LANCL3: variants seen among roughly 807,000 people sequenced by gnomAD.
The protein encoded by LANCL3 is lanC-like protein 3.
LANCL3 carries 19 observed loss-of-function variants against 26.5 expected under a neutral mutation model. The ratio of observed to expected loss-of-function variants is 0.72; its 90% CI spans 0.50 to 1.05. The LOEUF is 1.05. LANCL3 is among the 50% of genes least tolerant of loss of function. The pLI is 0.00. For synonymous variants in LANCL3, 160 were observed against 166.6 expected (o/e 0.96, Z 0.30); for missense variants, 318 against 362.7 (o/e 0.88, Z 1.00).
In LANCL3 at chrX:37,683,951, T is replaced by A. The variant is rs1926996858; in HGVS notation, c.*8138T>A. ...AGGTGTCTGACAGGGAAATTAGCAA[T>A]CATAAGCTATAAGATATATATTATT... On this transcript the variant is annotated 3_prime_UTR_variant, in exon 5 of 5. Coordinates refer to ENST00000378619, the MANE Select transcript of LANCL3 (RefSeq NM_001170331.2). 8.9e-6 allele frequency: 1 copy of A among 112,020 alleles called. No homozygotes were observed. The highest frequency in any genetic ancestry group is 3.2e-5 in the African/African-American group (1 of 30,862). 9.2% of individuals were successfully genotyped at this position (112,020 alleles called of 1,213,427 possible).
At chrX:37,621,313 A>G (rs1157387025) in intron 1 of LANCL3, among the ~76,000 whole-genome samples, 2 of 112,176 alleles carry the variant, frequency 1.8e-5, no homozygotes, top group African/African-American at 6.5e-5. Context: ...GCACTGGCAG[A>G]ACACATAGAT....
chrX:37,671,842 T>C (rs1039622522), intron 4 of LANCL3, among the ~76,000 whole-genome samples: 7 of 112,198 alleles, frequency 6.2e-5, no homozygotes, highest in South Asian at 3.7e-4. Flanking sequence ...AATACTAACT[T>C]ATGTAAGTCT....
intron 1 of LANCL3, among the ~76,000 whole-genome samples, chrX:37,652,120 A>G (rs2146776962): frequency 9.1e-6 from 1 of 109,916 alleles, no homozygotes; most frequent in East Asian, 2.9e-4. Context: ...CCCAAGACTT[A>G]GTTGCTATTC....
intron 4 of LANCL3, among the ~76,000 whole-genome samples, chrX:37,670,097 T>C (rs1206459054): frequency 8.9e-6 from 1 of 112,379 alleles, no homozygotes; most frequent in Non-Finnish European, 1.9e-5. Flanking sequence ...AAATATCCAA[T>C]ACATACATTT....
intron 1 of LANCL3, among the ~76,000 whole-genome samples, chrX:37,582,506 T>A (rs1468450438): frequency 8.9e-6 from 1 of 112,123 alleles, no homozygotes; most frequent in Non-Finnish European, 1.9e-5. Flanking sequence ...CTCATCATAG[T>A]TTTGATTTGC....
chrX:37,660,535 A>C, intron 3 of LANCL3, among the ~76,000 whole-genome samples: 1 of 111,844 alleles, frequency 8.9e-6, no homozygotes, highest in African/African-American at 3.3e-5. Flanking sequence ...AATTTGAAAA[A>C]AAGTTAAATT....
At chrX:37,642,212 T>C (rs1925881843) in intron 1 of LANCL3, among the ~76,000 whole-genome samples, 1 of 112,224 alleles carries the variant, frequency 8.9e-6, no homozygotes, top group Non-Finnish European at 1.9e-5. Context: ...AGTTAGAGAT[T>C]TCTGTGGCAA....
intron 1 of LANCL3, among the ~76,000 whole-genome samples, chrX:37,637,482 A>G: frequency 9.0e-6 from 1 of 111,470 alleles, no homozygotes; most frequent in East Asian, 2.8e-4. Context: ...TTTCCTGATA[A>G]AAGAGAATAC....
intron 1 of LANCL3, among the ~76,000 whole-genome samples, chrX:37,581,252 T>C (rs1923884245): frequency 8.9e-6 from 1 of 112,396 alleles, no homozygotes; most frequent in African/African-American, 3.2e-5. Context: ...CTTCCACAGG[T>C]GCAAGAATAC....
At chrX:37,577,890 C>T (rs1923794129) in intron 1 of LANCL3, among the ~76,000 whole-genome samples, 1 of 111,720 alleles carries the variant, frequency 9.0e-6, no homozygotes, top group Non-Finnish European at 1.9e-5. Flanking sequence ...GTATAAGGGG[C>T]AATGCTTTTA....
Position 37,590,503 on chromosome X carries a change from TC to T in LANCL3, c.573+18061del, listed in dbSNP as rs1237642043. ...GCTGTGTGATATAAAGCTATGTGAC[TC>T]ACTGTCAGTTTTACAAACTTAAATC... On this transcript the variant is annotated intron_variant, in intron 1 of 4. Coordinates refer to ENST00000378619, the MANE Select transcript of LANCL3 (RefSeq NM_001170331.2). Among the ~76,000 whole-genome samples, 9 of 112,831 alleles carry T rather than the reference TC, an allele frequency of 8.0e-5. No individual in the cohort carries two copies. The East Asian group carries it at 2.5e-3, about 31-fold the overall frequency.
chrX:37,630,757 T>A (rs1359457650), intron 1 of LANCL3, among the ~76,000 whole-genome samples: 1 of 110,458 alleles, frequency 9.1e-6, no homozygotes, highest in African/African-American at 3.3e-5. Context: ...TTACATTTAT[T>A]GATTTGCGTA....
rs1926874719 is a variant in LANCL3, at chrX:37,679,036, C to G, written c.*3223C>G. The G allele has an allele frequency of 9.0e-6, 1 of 111,520 alleles. No homozygotes were observed. Among genetic ancestry groups the G allele is most frequent in the Non-Finnish European group, 1.9e-5 (1 of 53,050 alleles). 9.2% of individuals were successfully genotyped at this position (111,520 alleles called of 1,213,427 possible). ...GGAAAACCATTAGTGGTGCAAAGAG[C>G]CCTGTGCTGGAAATCTCAAAGTCTT... On this transcript the variant is annotated 3_prime_UTR_variant, in exon 5 of 5. Transcript: ENST00000378619.
chrX:37,664,144 A>G (rs1276083390), intron 3 of LANCL3, among the ~76,000 whole-genome samples: 2 of 111,722 alleles, frequency 1.8e-5, no homozygotes, highest in Non-Finnish European at 3.8e-5. Flanking sequence ...CTTGCTGGCA[A>G]GGTAAAGCTG....
chrX:37,647,379 AT>A (rs1182688471), intron 1 of LANCL3, among the ~76,000 whole-genome samples: 1 of 111,607 alleles, frequency 9.0e-6, no homozygotes, highest in Admixed American at 9.5e-5. Flanking sequence ...TTTTTTCTTT[AT>A]TGTTCATGCG....
rs1923627519 is a variant in LANCL3, at chrX:37,572,461, C to A, written c.573+18C>A. 3 of 1,156,371 alleles carry A rather than the reference C, an allele frequency of 2.6e-6. No homozygotes were observed. The highest frequency in any genetic ancestry group is 1.9e-5 in the South Asian group (1 of 52,425). On this transcript the variant is annotated intron_variant, in intron 1 of 4. Transcript: ENST00000378619. Reference sequence around the variant, plus strand: ...CCCAGGAGGTAAGAGGTAGCCCGGGCCGCGGGAGGGCGCTCGCCGCCTGCC... The same window carrying A: ...CCCAGGAGGTAAGAGGTAGCCCGGGACGCGGGAGGGCGCTCGCCGCCTGCC...
intron 1 of LANCL3, among the ~76,000 whole-genome samples, chrX:37,621,697 G>A (rs1556422277): frequency 1.8e-5 from 2 of 111,872 alleles, no homozygotes; most frequent in East Asian, 2.8e-4. Context: ...CCAAATATTC[G>A]GTCTTTCTGA....
At chrX:37,660,502 T>C (rs1468322378) in intron 3 of LANCL3, among the ~76,000 whole-genome samples, 12 of 111,614 alleles carry the variant, frequency 1.1e-4, no homozygotes, top group African/African-American at 3.3e-4. Context: ...ATCACACTGC[T>C]ATTAAGCCTT....
chrX:37,584,452 C>CT lies in LANCL3; in HGVS notation c.573+12017dup, dbSNP rs782742653. Among the ~76,000 whole-genome samples, 7 of 109,753 alleles carry CT rather than the reference C, an allele frequency of 6.4e-5. 1 individual carries two copies. The South Asian group carries it at 1.6e-3, about 25-fold the overall frequency. On this transcript the variant is annotated intron_variant, in intron 1 of 4. Coordinates refer to ENST00000378619, the MANE Select transcript of LANCL3 (RefSeq NM_001170331.2). The stretch of plus-strand genomic sequence containing the variant: ...GGCTGTGAATCCATCTGGTCCTGGA[C>CT]TTTTTTTTGTTGGTAAGCTATTAAT...
Sources: gnomAD v4.1 joint callset for allele counts (sites outside exome capture counted in the v4.1 genomes callset) on GRCh38, gnomAD v4.1.1 for gene constraint, MANE v1.5 for transcripts, NCBI Gene and HGNC (gene_info 2026-07-23, HGNC 2026-07-21) for gene names.